Variants in DNAH5 observed in about 807,000 individuals in gnomAD.
DNAH5 encodes the protein dynein axonemal heavy chain 5, also known as axonemal beta dynein heavy chain 5.
In DNAH5, 372 loss-of-function variants were observed where a neutral mutation model predicts 518.2. That is an observed-to-expected ratio of 0.72 (90% confidence interval 0.66 to 0.78). The LOEUF is 0.78. Among genes scored for constraint, DNAH5 ranks in the 30% least tolerant of loss-of-function variants. The pLI is 0.00. For missense variants in DNAH5, 5,523 were observed against 5,687.0 expected, an observed-to-expected ratio of 0.97 and a Z score of 0.93; for synonymous variants, 2,039 against 2,025.9, an observed-to-expected ratio of 1.01 and a Z score of -0.17.
At chr5:13,720,662 T>C (rs2652784) in intron 71 of DNAH5, among the ~76,000 whole-genome samples, 60,960 of 152,026 alleles carry the variant, frequency 0.4, 12,327 homozygotes, top group South Asian at 0.45. Flanking sequence ...TGTGAGGCAT[T>C]GCACCCAGGT....
intron 5 of DNAH5, 121 bp from the exon 6 acceptor site, chr5:13,920,738 A>G (rs1580894434): frequency 9.9e-7 from 1 of 1,014,490 alleles, no homozygotes; most frequent in Admixed American, 1.9e-5. Flanking sequence ...CAGGTAGCAC[A>G]TACCTCCTCT....
intron 78 of DNAH5, among the ~76,000 whole-genome samples, chr5:13,692,973 G>A (rs1740898215): frequency 6.6e-6 from 1 of 152,170 alleles, no homozygotes; most frequent in Non-Finnish European, 1.5e-5. Context: ...GGCTTTGGAA[G>A]GAGACTCTGC....
intron 1 of DNAH5, among the ~76,000 whole-genome samples, chr5:13,955,754 A>C (rs1780723586): frequency 6.6e-6 from 1 of 152,224 alleles, no homozygotes; most frequent in African/African-American, 2.4e-5. Flanking sequence ...AAACATTTTA[A>C]ATCACAAAAG....
Position 13,960,132 on chromosome 5 carries a change from A to G in DNAH5, c.13-28888T>C, listed in dbSNP as rs1781071655. Reference sequence around the variant, plus strand: ...TCTTCAAAAAAAAAAAAAAATCCAAATCTTTAGTTTTTGATTTAGCATGCT... The same window carrying G: ...TCTTCAAAAAAAAAAAAAAATCCAAGTCTTTAGTTTTTGATTTAGCATGCT... On this transcript the variant is annotated intron_variant, in intron 1 of 78. Transcript: ENST00000681290. 2.0e-5 allele frequency among the ~76,000 whole-genome samples: 3 copies of G among 151,948 alleles called. No homozygotes were observed. In the South Asian group the frequency reaches 6.3e-4, roughly 32 times the overall value.
chr5:13,909,754 C>T (rs1353452517), intron 12 of DNAH5, among the ~76,000 whole-genome samples: 1 of 151,138 alleles, frequency 6.6e-6, no homozygotes, highest in Non-Finnish European at 1.5e-5. Flanking sequence ...AATGTATGTG[C>T]TTATATTTTC....
In DNAH5 at chr5:13,890,591, C is replaced by G. The variant is rs751903078; in HGVS notation, c.2577+385G>C. ...TAGAACACCAGTTTGGGAAACCCCC[C>G]CTCAACAAAAATGTTTAAAGAAGAA... On this transcript the variant is annotated intron_variant, in intron 17 of 78. Transcript: ENST00000265104. Among the ~76,000 whole-genome samples the G allele has an allele frequency of 2.8e-4, 43 of 152,212 alleles. 1 individual carries two copies. The highest frequency in any genetic ancestry group is 3.4e-3 in the Middle Eastern group (1 of 294).
In DNAH5 at chr5:13,793,788, C is replaced by G. The variant is rs574284764; in HGVS notation, c.8011-60G>C. On this transcript the variant is annotated intron_variant, in intron 48 of 78. Coordinates refer to ENST00000265104, the MANE Select transcript of DNAH5 (RefSeq NM_001369.3). ...TCCTTTCTATCCCCGGAGCCTAACT[C>G]CTTGAGTGTTTCCAAAGAAAGAACT... 104 of 1,581,542 alleles carry G rather than the reference C, an allele frequency of 6.6e-5. No individual in the cohort carries two copies. The South Asian group carries it at 1.1e-3, about 16-fold the overall frequency.
rs866361658 is a variant in DNAH5, at chr5:13,898,802, A to G, written c.2259+1404T>C. 7 of 393,354 alleles carry G rather than the reference A, an allele frequency of 1.8e-5. No homozygotes were observed. In the South Asian group the frequency reaches 7.2e-4, roughly 40 times the overall value. 24.4% of individuals were successfully genotyped at this position (393,354 alleles called of 1,614,324 possible). ...CTATGAAATTTTAACAATGGTTTCC[A>G]TGTTGTCAGATTCCATGGCCGCATC... On this transcript the variant is annotated intron_variant, in intron 15 of 78. Transcript: ENST00000265104.
Position 13,923,331 on chromosome 5 carries a change from G to C in DNAH5, c.387C>G (p.Phe129Leu). The change falls in exon 4 of 79, where the codon TTC (phenylalanine) becomes TTG (leucine). Residue 129 changes from phenylalanine (F) to leucine (L), a missense_variant. Physicochemically the swap from Phe to Leu is conservative, Grantham distance 22. Transcript: ENST00000265104. ...CTTTGGAAGGGTCAGTCCTGATGAA[G>C]AACACACATACCCCAGTAAGAGCCA... ...NDVALTGVCV[F>L]FIRTDPSKAI... is the part of the protein sequence containing the mutation. 6.2e-7 allele frequency: 1 copy of C among 1,614,106 alleles called. No individual in the cohort carries two copies.
chr5:13,996,000 A>C (rs1385006799), intron 1 of DNAH5, among the ~76,000 whole-genome samples: 1 of 152,218 alleles, frequency 6.6e-6, no homozygotes, highest in Non-Finnish European at 1.5e-5. Context: ...CCATAAAGGA[A>C]GAAAGGTATG....
intron 7 of DNAH5, 21 bp downstream of exon 7, chr5:13,919,155 C>CA: frequency 6.2e-7 from 1 of 1,613,876 alleles, no homozygotes; most frequent in Non-Finnish European, 8.5e-7. Context: ...TTTCACAAGG[C>CA]AAAATGAAAT....
chr5:13,923,276 T>A lies in DNAH5; in HGVS notation c.438+4A>T. 6.2e-7 allele frequency: 1 copy of A among 1,614,166 alleles called. No individual in the cohort carries two copies. Among genetic ancestry groups the A allele is most frequent in the Non-Finnish European group, 8.5e-7 (1 of 1,179,980 alleles). ...CAGAGTAAACAATGGCTCTTGCCCC[T>A]TACCTGGTGGATGTTGTCAGGGGTG... On this transcript the variant is annotated splice_donor_region_variant and intron_variant, in intron 4 of 78. Coordinates refer to ENST00000265104, the MANE Select transcript of DNAH5 (RefSeq NM_001369.3).
chr5:14,009,980 G>T (rs1257441637), intron 1 of DNAH5, among the ~76,000 whole-genome samples: 1 of 152,070 alleles, frequency 6.6e-6, no homozygotes, highest in Non-Finnish European at 1.5e-5. Flanking sequence ...TAAAAATAAA[G>T]AAAATTAAAA....
intron 1 of DNAH5, among the ~76,000 whole-genome samples, chr5:13,965,987 C>A (rs1373793099): frequency 6.6e-6 from 1 of 151,796 alleles, no homozygotes; most frequent in Non-Finnish European, 1.5e-5. Flanking sequence ...TCACCCCCCT[C>A]CCATCCTTTC....
chr5:13,908,541 G>A (rs1775627584), intron 12 of DNAH5, among the ~76,000 whole-genome samples: 1 of 152,126 alleles, frequency 6.6e-6, no homozygotes, highest in Admixed American at 6.5e-5. Flanking sequence ...TACAGTTTGT[G>A]GGGTCTGGGT....
intron 70 of DNAH5, among the ~76,000 whole-genome samples, chr5:13,724,187 C>T (rs537145347): frequency 1.5e-4 from 23 of 152,356 alleles, no homozygotes; most frequent in African/African-American, 5.3e-4. Context: ...TACTCGGTCT[C>T]CCCATCTTCT....
intron 75 of DNAH5, among the ~76,000 whole-genome samples, chr5:13,710,127 T>C (rs1743295224): frequency 6.6e-6 from 1 of 151,816 alleles, no homozygotes; most frequent in Admixed American, 6.6e-5. Context: ...ACAGACAAGG[T>C]TCACATCACA....
At chr5:13,781,098 G>A in intron 52 of DNAH5, 139 bp from the exon 53 acceptor site, 1 of 1,006,760 alleles carries the variant, frequency 9.9e-7, no homozygotes, top group Non-Finnish European at 1.5e-6. Flanking sequence ...AGACACACTG[G>A]TTGAAGGAAT....
intron 3 of DNAH5, among the ~76,000 whole-genome samples, chr5:13,926,088 G>A (rs6893887): frequency 6.6e-6 from 1 of 152,052 alleles, no homozygotes; most frequent in Admixed American, 6.5e-5. Flanking sequence ...TGGACTGCAC[G>A]GGGAGCTAAC....
Sources: allele counts gnomAD v4.1 joint callset (sites outside exome capture counted in the v4.1 genomes callset), GRCh38; gene constraint gnomAD v4.1.1; transcripts MANE v1.5; gene names NCBI Gene and HGNC (gene_info 2026-07-23, HGNC 2026-07-21).